Variants in PARP15 observed in about 807,000 individuals in gnomAD.
PARP15 encodes the protein poly(ADP-ribose) polymerase family member 15.
A neutral mutation model predicts 62.1 loss-of-function variants in PARP15; 50 were observed. The ratio of observed to expected loss-of-function variants is 0.81; its 90% CI spans 0.64 to 1.02. The LOEUF (loss-of-function observed/expected upper bound fraction) is 1.02, where lower values mean the gene tolerates loss of function less well. Among genes scored for constraint, PARP15 ranks in the 50% least tolerant of loss-of-function variants. PARP15 has a pLI of 0.00. For missense variants in PARP15, 820 were observed against 826.5 expected, an observed-to-expected ratio of 0.99 and a Z score of 0.10; for synonymous variants, 309 against 293.1, an observed-to-expected ratio of 1.05 and a Z score of -0.55.
At chr3:122,615,658 G>T (rs748496355) in intron 4 of PARP15, 121 bp from the exon 5 acceptor site, 1 of 1,564,632 alleles carries the variant, frequency 6.4e-7, no homozygotes, top group East Asian at 2.3e-5. Flanking sequence ...TCTGAGGGAA[G>T]AGGAAATATT....
At chr3:122,593,084 T>TCATCTGTC (rs1553727423) in intron 1 of PARP15, among the ~76,000 whole-genome samples, 1 of 63,986 alleles carries the variant, frequency 1.6e-5, no homozygotes, top group East Asian at 5.6e-4. Context: ...AAAGATAAAA[T>TCATCTGTC]TATCTGTCTA....
At chr3:122,624,152 G>GAAAA (rs149635499) in intron 8 of PARP15, among the ~76,000 whole-genome samples, 3 of 142,714 alleles carry the variant, frequency 2.1e-5, no homozygotes, top group Non-Finnish European at 4.6e-5. Context: ...CTCTATCTCG[G>GAAAA]AAAAAAAAAA....
rs190512161 is a variant in PARP15 at position 122,618,219 on chromosome 3, A to T, written c.1000+1055A>T. 4.1e-3 allele frequency among the ~76,000 whole-genome samples: 621 copies of T among 152,322 alleles called. 3 individuals are homozygous for T. The highest frequency in any genetic ancestry group is 0.013 in the African/African-American group (548 of 41,570). On this transcript the variant is annotated intron_variant, in intron 6 of 11. Coordinates refer to ENST00000464300, the MANE Select transcript of PARP15 (RefSeq NM_001113523.3). ...TTTCAGTCATTTAAAATGTAGACATAAAGAACATTTGGTTATTTGAAACAT... is the reference window on the plus strand; with the variant it reads ...TTTCAGTCATTTAAAATGTAGACATTAAGAACATTTGGTTATTTGAAACAT...
At chr3:122,599,196 T>C (rs1003351649) in intron 1 of PARP15, among the ~76,000 whole-genome samples, 4 of 152,176 alleles carry the variant, frequency 2.6e-5, no homozygotes, top group Non-Finnish European at 4.4e-5. Flanking sequence ...ACACCCAGCC[T>C]GTCCTTTAGA....
chr3:122,595,462 A>G (rs1429811264), intron 1 of PARP15, among the ~76,000 whole-genome samples: 2 of 152,184 alleles, frequency 1.3e-5, no homozygotes, highest in Non-Finnish European at 2.9e-5. Flanking sequence ...ATTTCATACA[A>G]TTGATGGCTC....
At position 122,600,864 on chromosome 3, in the gene PARP15, G is replaced by A. The variant is rs953924977; in HGVS notation, c.187-5072G>A. Among the ~76,000 whole-genome samples the A allele has an allele frequency of 1.1e-4, 16 of 151,412 alleles. 1 individual carries two copies. The highest frequency in any genetic ancestry group is 8.6e-4 in the Admixed American group (13 of 15,180). Reference sequence around the variant, plus strand: ...TACACAGAAAAATTTAGCGAAAGCGGAAAATTCTCAAATACCCCCCTCCCC... The same window carrying A: ...TACACAGAAAAATTTAGCGAAAGCGAAAAATTCTCAAATACCCCCCTCCCC... On this transcript the variant is annotated intron_variant, in intron 1 of 11. Coordinates refer to ENST00000464300, the MANE Select transcript of PARP15 (RefSeq NM_001113523.3).
chr3:122,581,404 C>CTTCCT (rs1266736193), intron 1 of PARP15, among the ~76,000 whole-genome samples: 6 of 152,112 alleles, frequency 3.9e-5, no homozygotes, highest in Non-Finnish European at 8.8e-5. Flanking sequence ...TCCTTCCCAT[C>CTTCCT]TTCCTTTCCT....
intron 1 of PARP15, among the ~76,000 whole-genome samples, chr3:122,584,793 G>A (rs1000718109): frequency 4.6e-5 from 7 of 151,968 alleles, no homozygotes; most frequent in African/African-American, 1.7e-4. Context: ...GGTCAGGCTG[G>A]TCTTGAACTC....
At chr3:122,604,587 G>T (rs1935027018) in intron 1 of PARP15, among the ~76,000 whole-genome samples, 1 of 152,176 alleles carries the variant, frequency 6.6e-6, no homozygotes, top group Admixed American at 6.6e-5. Context: ...GGGTGTGGTG[G>T]CTCGCACCTG....
intron 10 of PARP15, among the ~76,000 whole-genome samples, chr3:122,634,110 T>C (rs1226718191): frequency 6.6e-6 from 1 of 152,216 alleles, no homozygotes. Context: ...CCTCAACAGC[T>C]GCCCAGGTAC....
chr3:122,612,906 T>A (rs1935675610), intron 3 of PARP15, 135 bp from the exon 4 acceptor site: 1 of 732,622 alleles, frequency 1.4e-6, no homozygotes, highest in Admixed American at 2.6e-5. Context: ...TTTTGTTTCC[T>A]CTTTCTGACT....
At chr3:122,597,047 G>A (rs1407053154) in intron 1 of PARP15, among the ~76,000 whole-genome samples, 1 of 152,128 alleles carries the variant, frequency 6.6e-6, no homozygotes, top group Admixed American at 6.5e-5. Flanking sequence ...CAACATAAAT[G>A]TATTGCTCAT....
chr3:122,634,527 G>GA (rs1164900162), intron 10 of PARP15, among the ~76,000 whole-genome samples: 1 of 152,030 alleles, frequency 6.6e-6, no homozygotes, highest in Admixed American at 6.6e-5. Context: ...CAGAGGTCTA[G>GA]AAAAAAATAG....
chr3:122,628,483 C>T (rs1936870980), intron 9 of PARP15, among the ~76,000 whole-genome samples: 1 of 151,946 alleles, frequency 6.6e-6, no homozygotes, highest in African/African-American at 2.4e-5. Flanking sequence ...AACATTTTTT[C>T]CCTTTGGTCC....
chr3:122,616,877 G>C, intron 5 of PARP15, 138 bp from the exon 6 acceptor site: 1 of 870,806 alleles, frequency 1.1e-6, no homozygotes, highest in South Asian at 1.9e-5. Flanking sequence ...TAAGAGGCCA[G>C]GAGATGTGGC....
chr3:122,599,518 T>TTTTC (rs1553728667), intron 1 of PARP15, among the ~76,000 whole-genome samples: 2 of 79,430 alleles, frequency 2.5e-5, no homozygotes, highest in Non-Finnish European at 2.6e-5. Context: ...GAATTTCTCT[T>TTTTC]TTTTCTTTTC....
At position 122,617,158 on chromosome 3, in the gene PARP15, A is replaced by T; in HGVS notation, c.994A>T (p.Lys332Ter). ...CTCAACAGCAAGGACATTTAATCGG[A>T]AATCAGGTACTTTATTTAAGCAATA... The part of the protein sequence containing the change: ...VNSTARTFNR[K>*]SGVSRAILEG... Residue 332 changes from lysine (K) to a stop codon, truncating the protein, a stop_gained, in exon 6 of 12, where the codon AAA becomes TAA. Coordinates refer to ENST00000464300, the MANE Select transcript of PARP15 (RefSeq NM_001113523.3). LOFTEE classifies it high-confidence loss of function. 1 of 1,611,878 alleles carries T rather than the reference A, an allele frequency of 6.2e-7. No homozygotes were observed. Among genetic ancestry groups the T allele is most frequent in the Admixed American group, 1.7e-5 (1 of 59,648 alleles).
At chr3:122,600,681 C>T (rs1354065902) in intron 1 of PARP15, among the ~76,000 whole-genome samples, 2 of 152,100 alleles carry the variant, frequency 1.3e-5, no homozygotes, top group Non-Finnish European at 2.9e-5. Flanking sequence ...GAAGTAAGCA[C>T]ATACCACAGG....
At chr3:122,623,007 C>T (rs1283022020) in intron 8 of PARP15, among the ~76,000 whole-genome samples, 2 of 152,162 alleles carry the variant, frequency 1.3e-5, no homozygotes, top group Non-Finnish European at 2.9e-5. Context: ...TATCCCAGGT[C>T]CCTCTCGTAT....
Sources: gnomAD v4.1 joint callset for allele counts (sites outside exome capture counted in the v4.1 genomes callset) on GRCh38, gnomAD v4.1.1 for gene constraint, MANE v1.5 for transcripts, NCBI Gene and HGNC (gene_info 2026-07-23, HGNC 2026-07-21) for gene names.